CELF1: variants seen among roughly 807,000 people sequenced by gnomAD.
The protein encoded by CELF1 is CUGBP Elav-like family member 1.
A neutral mutation model predicts 61.8 loss-of-function variants in CELF1; 10 were observed. The observed-to-expected ratio is 0.16, with a 90% CI of 0.10 to 0.27. The LOEUF (loss-of-function observed/expected upper bound fraction) is 0.27, where lower values mean the gene tolerates loss of function less well. Among genes scored for constraint, CELF1 ranks in the 10% least tolerant of loss-of-function variants. The probability of loss-of-function intolerance (pLI) is 1.00; values close to 1 mark genes in which losing one functional copy is unlikely to be tolerated. For missense variants in CELF1, 380 were observed against 639.1 expected (o/e 0.59, Z 4.37); for synonymous variants, 236 against 225.1 (o/e 1.05, Z -0.43).
chr11:47,558,718 A>ATATTATATATAAT (rs1397486539), intron 2 of CELF1, among the ~76,000 whole-genome samples: 155 of 109,154 alleles, frequency 1.4e-3, no homozygotes, highest in African/African-American at 5.8e-3. Flanking sequence ...ATATAATATT[A>ATATTATATATAAT]TGACATATAT....
chr11:47,541,757 CGAAAGAAAGAACGAA>C (rs1565904678), intron 1 of CELF1, among the ~76,000 whole-genome samples: 189 of 11,746 alleles, frequency 0.016, 38 homozygotes, highest in Middle Eastern at 0.031. Context: ...AAAGAAAGAA[CGAAAGAAAGAACGAA>C]AGAAAGAACG....
intron 2 of CELF1, among the ~76,000 whole-genome samples, chr11:47,561,297 G>A (rs2097224282): frequency 1.3e-5 from 2 of 151,200 alleles, no homozygotes; most frequent in African/African-American, 4.9e-5. Flanking sequence ...CAAAAAATAA[G>A]CCGGGTGTGG....
chr11:47,546,253 T>TTTGGGGG (rs2096944135), intron 1 of CELF1, among the ~76,000 whole-genome samples: 2 of 23,564 alleles, frequency 8.5e-5, no homozygotes, highest in African/African-American at 2.9e-4. Context: ...TTTTTTTTTT[T>TTTGGGGG]GGGCGGGGGC....
intron 1 of CELF1, among the ~76,000 whole-genome samples, chr11:47,520,965 T>TAG (rs1555185090): frequency 6.6e-6 from 1 of 151,784 alleles, no homozygotes; most frequent in Admixed American, 6.6e-5. Context: ...ATAAATGAAC[T>TAG]AGAGGGCCGG....
intron 1 of CELF1, among the ~76,000 whole-genome samples, chr11:47,510,081 A>G (rs1381784567): frequency 6.6e-6 from 1 of 151,932 alleles, no homozygotes; most frequent in African/African-American, 2.4e-5. Context: ...AAAAAAAAGT[A>G]AGGAAGTAGG....
At position 47,477,295 on chromosome 11, in the gene CELF1, A is replaced by G; in HGVS notation, c.973+2T>C. On this transcript the variant is annotated splice_donor_variant, in intron 11 of 14. Transcript: ENST00000687097. LOFTEE classifies it high-confidence loss of function. ...GGCACACTGGGTCATCCTCATGCTT[A>G]CCTGAACTAGTGAGCACGCTGAGGG... The G allele has an allele frequency of 6.2e-7, 1 of 1,614,008 alleles. No homozygotes were observed. Among genetic ancestry groups the G allele is most frequent in the Non-Finnish European group, 8.5e-7 (1 of 1,179,910 alleles).
intron 12 of CELF1, among the ~76,000 whole-genome samples, chr11:47,476,338 T>C (rs2080123646): frequency 6.6e-6 from 1 of 152,150 alleles, no homozygotes; most frequent in African/African-American, 2.4e-5. Flanking sequence ...TATTCCCACT[T>C]CAAAGATGAG....
At chr11:47,478,018 G>T (rs2081047736) in intron 10 of CELF1, among the ~76,000 whole-genome samples, 1 of 152,142 alleles carries the variant, frequency 6.6e-6, no homozygotes, top group Non-Finnish European at 1.5e-5. Context: ...AGGGGAAGAA[G>T]GAATCTAAAC....
chr11:47,525,334 G>A (rs1365318929), intron 1 of CELF1, among the ~76,000 whole-genome samples: 2 of 152,176 alleles, frequency 1.3e-5, no homozygotes, highest in East Asian at 1.9e-4. Context: ...AATTCATTTA[G>A]ATTCACTTCA....
chr11:47,528,025 G>C (rs2096313349), intron 1 of CELF1, among the ~76,000 whole-genome samples: 1 of 152,172 alleles, frequency 6.6e-6, no homozygotes, highest in South Asian at 2.1e-4. Flanking sequence ...GAACCCGAGA[G>C]GCGGAGGTTG....
intron 2 of CELF1, among the ~76,000 whole-genome samples, chr11:47,558,571 AT>A (rs2097213803): frequency 8.7e-6 from 1 of 114,472 alleles, no homozygotes; most frequent in African/African-American, 3.7e-5. Context: ...TATATAATAT[AT>A]AAATATATAT....
chr11:47,502,014 A>G (rs1317923677), intron 1 of CELF1, among the ~76,000 whole-genome samples: 1 of 152,202 alleles, frequency 6.6e-6, no homozygotes, highest in Admixed American at 6.5e-5. Flanking sequence ...GGCACTGTCC[A>G]ATGTATGAAA....
chr11:47,543,197 G>A (rs528444557), intron 1 of CELF1, among the ~76,000 whole-genome samples: 1 of 152,032 alleles, frequency 6.6e-6, no homozygotes. Flanking sequence ...AGAGACCAGG[G>A]GGTCAAGACC....
chr11:47,486,665 C>T (rs1244181119), intron 6 of CELF1, 85 bp downstream of exon 6: 2 of 1,121,018 alleles, frequency 1.8e-6, no homozygotes, highest in Non-Finnish European at 2.7e-6. Context: ...GTCTTGGCCT[C>T]CCAAAGTGCT....
chr11:47,532,035 ATT>A (rs565261366), intron 1 of CELF1, among the ~76,000 whole-genome samples: 1 of 145,034 alleles, frequency 6.9e-6, no homozygotes. Context: ...TCTTATTTTT[ATT>A]TTTTTTTTTT....
At chr11:47,543,900 G>C (rs2096870185) in intron 1 of CELF1, among the ~76,000 whole-genome samples, 1 of 152,186 alleles carries the variant, frequency 6.6e-6, no homozygotes, top group Non-Finnish European at 1.5e-5. Flanking sequence ...GCCTCAACTT[G>C]TCACTTGAAA....
chr11:47,548,286 G>T (rs961115711), intron 1 of CELF1, among the ~76,000 whole-genome samples: 1 of 151,894 alleles, frequency 6.6e-6, no homozygotes, highest in East Asian at 1.9e-4. Flanking sequence ...GTGACAGAGT[G>T]AGACTCCGTC....
intron 9 of CELF1, 65 bp downstream of exon 9, chr11:47,482,630 G>A: frequency 6.7e-7 from 1 of 1,491,932 alleles, no homozygotes; most frequent in Non-Finnish European, 9.1e-7. Context: ...GTTGGCTAGG[G>A]ACAGCAGAAG....
chr11:47,545,210 A>G (rs113344815), intron 1 of CELF1, among the ~76,000 whole-genome samples: 1,765 of 152,184 alleles, frequency 0.012, 18 homozygotes, highest in Non-Finnish European at 0.02. Context: ...TGGGCGGATC[A>G]CCTGAGGTCG....
Sources: gnomAD v4.1 joint callset for allele counts (sites outside exome capture counted in the v4.1 genomes callset) on GRCh38, gnomAD v4.1.1 for gene constraint, MANE v1.5 for transcripts, NCBI Gene and HGNC (gene_info 2026-07-23, HGNC 2026-07-21) for gene names.